The following HOMER1 variants were observed in gnomAD, a reference collection of about 807,000 sequenced individuals.
The protein encoded by HOMER1 is homer protein homolog 1.
Under a neutral mutation model 48.9 loss-of-function variants are expected in HOMER1, and 3 were observed. That is an observed-to-expected ratio of 0.06 (90% CI 0.03 to 0.16). The LOEUF (loss-of-function observed/expected upper bound fraction) is 0.16. Among genes scored for constraint, HOMER1 ranks in the 10% least tolerant of loss-of-function variants. The probability of loss-of-function intolerance (pLI) is 1.00; values close to 1 mark genes in which losing one functional copy is unlikely to be tolerated. For synonymous variants in HOMER1, 134 were observed against 146.4 expected (o/e 0.92, Z 0.61); for missense variants, 247 against 411.4 (o/e 0.60, Z 3.46).
intron 1 of HOMER1, among the ~76,000 whole-genome samples, chr5:79,505,650 G>A (rs1282000545): frequency 3.9e-5 from 6 of 152,056 alleles, no homozygotes; most frequent in Non-Finnish European, 8.8e-5. Flanking sequence ...AATTTTTAAA[G>A]CTAATATTAA....
At chr5:79,379,129 T>C (rs1211423236) in intron 8 of HOMER1, among the ~76,000 whole-genome samples, 1 of 101,680 alleles carries the variant, frequency 9.8e-6, no homozygotes, top group Non-Finnish European at 1.9e-5. Flanking sequence ...ATATAAATAT[T>C]TATTTATATA....
intron 1 of HOMER1, among the ~76,000 whole-genome samples, chr5:79,484,229 T>C (rs1235736986): frequency 6.6e-6 from 1 of 151,744 alleles, no homozygotes; most frequent in Non-Finnish European, 1.5e-5. Flanking sequence ...AAGAATCATT[T>C]AAAAAGAAAA....
rs779298030 is a variant in HOMER1 at position 79,500,959 on chromosome 5, G to GACAC, written c.5+11810_5+11811insGTGT. ...TGTGTGTGTGTGTGTGTGTGAGACA[G>GACAC]ACAGACACACACACACACACACACA... On this transcript the variant is annotated intron_variant, in intron 1 of 8. Coordinates refer to ENST00000334082, the MANE Select transcript of HOMER1 (RefSeq NM_004272.5). 1.3e-3 allele frequency among the ~76,000 whole-genome samples: 173 copies of GACAC among 130,006 alleles called. 1 individual carries two copies. Among genetic ancestry groups the GACAC allele is most frequent in the African/African-American group, 5.6e-3 (162 of 28,892 alleles). The allele number at this position is 130,006 out of a possible 152,430, so 85.3% of individuals were successfully genotyped here. A position where few individuals can be genotyped will look rare whatever the true frequency, so the allele number is the denominator to read the frequency against.
intron 1 of HOMER1, among the ~76,000 whole-genome samples, chr5:79,468,256 A>T (rs770626577): frequency 6.6e-6 from 1 of 152,210 alleles, no homozygotes; most frequent in African/African-American, 2.4e-5. Flanking sequence ...TTAAATATAT[A>T]TGGAACAACC....
At chr5:79,492,982 G>A (rs527534971) in intron 1 of HOMER1, among the ~76,000 whole-genome samples, 55 of 137,190 alleles carry the variant, frequency 4.0e-4, no homozygotes, top group Admixed American at 6.5e-4. Flanking sequence ...GCAGTGGCAC[G>A]ATCGTGGCTC....
At chr5:79,464,486 G>A (rs1412512284) in intron 1 of HOMER1, among the ~76,000 whole-genome samples, 1 of 152,168 alleles carries the variant, frequency 6.6e-6, no homozygotes, top group Non-Finnish European at 1.5e-5. Context: ...TAACTTGATA[G>A]GTAATGGCTG....
intron 5 of HOMER1, among the ~76,000 whole-genome samples, chr5:79,422,829 T>C (rs1056062781): frequency 2.2e-5 from 3 of 134,052 alleles, no homozygotes; most frequent in Non-Finnish European, 3.1e-5. Context: ...GATGATCTCT[T>C]TTTTTTTTTT....
chr5:79,428,213 G>A (rs571687498), intron 5 of HOMER1, among the ~76,000 whole-genome samples: 1 of 152,214 alleles, frequency 6.6e-6, no homozygotes, highest in East Asian at 1.9e-4. Flanking sequence ...GAGGGTATAA[G>A]AGGAAATCAT....
intron 1 of HOMER1, among the ~76,000 whole-genome samples, chr5:79,496,765 G>A (rs776915149): frequency 2.6e-5 from 4 of 151,916 alleles, no homozygotes; most frequent in East Asian, 1.9e-4. Flanking sequence ...AGATAATTCC[G>A]CGAATAGAAA....
At chr5:79,505,524 A>G (rs906846908) in intron 1 of HOMER1, among the ~76,000 whole-genome samples, 5 of 152,186 alleles carry the variant, frequency 3.3e-5, no homozygotes, top group African/African-American at 1.2e-4. Context: ...AAAGCCCTCA[A>G]TTCTTACAAC....
intron 5 of HOMER1, among the ~76,000 whole-genome samples, chr5:79,404,626 A>G (rs1266670742): frequency 6.6e-6 from 1 of 152,232 alleles, no homozygotes; most frequent in Non-Finnish European, 1.5e-5. Flanking sequence ...GACAGCAAAG[A>G]TAACAGAACA....
chr5:79,486,935 A>C (rs546864239), intron 1 of HOMER1, among the ~76,000 whole-genome samples: 2 of 152,352 alleles, frequency 1.3e-5, no homozygotes, highest in South Asian at 2.1e-4. Context: ...TTGACAGCAA[A>C]GTACCCTTTG....
chr5:79,483,508 A>C (rs944405536), intron 1 of HOMER1, among the ~76,000 whole-genome samples: 5 of 151,640 alleles, frequency 3.3e-5, no homozygotes, highest in African/African-American at 7.3e-5. Flanking sequence ...AAAAAAAAAA[A>C]CTCTTAAAAA....
chr5:79,425,166 AG>A (rs1445130105), intron 5 of HOMER1, among the ~76,000 whole-genome samples: 1 of 151,988 alleles, frequency 6.6e-6, no homozygotes, highest in East Asian at 1.9e-4. Flanking sequence ...TTCTTCCACA[AG>A]AAATGGTGAC....
At chr5:79,507,535 T>C (rs1027661987) in intron 1 of HOMER1, among the ~76,000 whole-genome samples, 4 of 152,062 alleles carry the variant, frequency 2.6e-5, no homozygotes, top group Non-Finnish European at 4.4e-5. Flanking sequence ...ACCTGAGATA[T>C]AAATCTATGT....
At chr5:79,489,158 A>C (rs761725219) in intron 1 of HOMER1, among the ~76,000 whole-genome samples, 6 of 152,232 alleles carry the variant, frequency 3.9e-5, no homozygotes, top group Non-Finnish European at 8.8e-5. Context: ...GTGGAAAGTA[A>C]TAAATGCCAT....
chr5:79,485,187 A>G (rs1407211762), intron 1 of HOMER1, among the ~76,000 whole-genome samples: 2 of 152,210 alleles, frequency 1.3e-5, no homozygotes, highest in African/African-American at 2.4e-5. Context: ...ATTCCCTGAG[A>G]GTACTAAACA....
intron 1 of HOMER1, among the ~76,000 whole-genome samples, chr5:79,470,631 C>CT (rs963689820): frequency 2.6e-5 from 4 of 152,068 alleles, no homozygotes; most frequent in Admixed American, 6.6e-5. Context: ...CATGAGTTGT[C>CT]TTTTTTTACC....
At chr5:79,440,098 A>G (rs931540319) in intron 4 of HOMER1, among the ~76,000 whole-genome samples, 1 of 152,208 alleles carries the variant, frequency 6.6e-6, no homozygotes, top group Non-Finnish European at 1.5e-5. Context: ...TAAGTGTCCA[A>G]CAGGGGAGTG....
Sources: gnomAD v4.1 joint callset for allele counts (sites outside exome capture counted in the v4.1 genomes callset) on GRCh38, gnomAD v4.1.1 for gene constraint, MANE v1.5 for transcripts, NCBI Gene and HGNC (gene_info 2026-07-23, HGNC 2026-07-21) for gene names.